Variants in ADAM23 observed in about 807,000 individuals in gnomAD.
ADAM23 encodes the protein disintegrin and metalloproteinase domain-containing protein 23.
In ADAM23, 33 loss-of-function variants were observed where a neutral mutation model predicts 120.1. That is an observed-to-expected ratio of 0.27 (90% CI 0.21 to 0.37). ADAM23 has a LOEUF of 0.37. ADAM23 is among the 10% of genes least tolerant of loss of function. The probability of loss-of-function intolerance (pLI) is 1.00; values close to 1 mark genes in which losing one functional copy is unlikely to be tolerated. For synonymous variants in ADAM23, 367 were observed against 375.2 expected (o/e 0.98, Z 0.25); for missense variants, 862 against 1,058.2 (o/e 0.81, Z 2.57).
intron 3 of ADAM23, among the ~76,000 whole-genome samples, chr2:206,509,868 C>T: frequency 6.6e-6 from 1 of 152,136 alleles, no homozygotes; most frequent in Admixed American, 6.6e-5. Context: ...AGACAAGTAT[C>T]AGTAGTGGCT....
At chr2:206,566,997 G>T (rs1697897850) in intron 14 of ADAM23, among the ~76,000 whole-genome samples, 1 of 152,266 alleles carries the variant, frequency 6.6e-6, no homozygotes, top group East Asian at 1.9e-4. Flanking sequence ...CTGCTGAGGA[G>T]GTTGTAATGT....
chr2:206,507,751 T>C (rs146092152), intron 3 of ADAM23, among the ~76,000 whole-genome samples: 1 of 152,352 alleles, frequency 6.6e-6, no homozygotes, highest in African/African-American at 2.4e-5. Flanking sequence ...TCTAATACTT[T>C]TGTTTGGTCT....
At chr2:206,512,204 T>C (rs1483104002) in intron 3 of ADAM23, among the ~76,000 whole-genome samples, 2 of 152,230 alleles carry the variant, frequency 1.3e-5, no homozygotes. Context: ...GGTTTAAAAA[T>C]TAGAATTACT....
In ADAM23 at chr2:206,543,328, C is replaced by T; in HGVS notation, c.720+12C>T. On this transcript the variant is annotated intron_variant, in intron 6 of 25. Coordinates refer to ENST00000264377, the MANE Select transcript of ADAM23 (RefSeq NM_003812.4). ...TGGTTCATGATGAGGTGAGTCTATG[C>T]CATCAGTTGCCTGATGGCGTTCTAC... 1 of 1,609,560 alleles carries T rather than the reference C, an allele frequency of 6.2e-7. No homozygotes were observed.
chr2:206,620,324 A>G lies in ADAM23; in HGVS notation c.*2697A>G, dbSNP rs905525559. ...GGCAATTTCATAGGTAATCGAACCTATGCTCCAATGTTAAATTATTTGTGT... is the reference window on the plus strand; with the variant it reads ...GGCAATTTCATAGGTAATCGAACCTGTGCTCCAATGTTAAATTATTTGTGT... On this transcript the variant is annotated 3_prime_UTR_variant, in exon 26 of 26. Transcript: ENST00000264377. 6.6e-6 allele frequency: 1 copy of G among 152,174 alleles called. No individual in the cohort carries two copies. Among genetic ancestry groups the G allele is most frequent in the African/African-American group, 2.4e-5 (1 of 41,430 alleles). The allele number at this position is 152,174 out of a possible 1,614,324, so 9.4% of individuals were successfully genotyped here. A position where few individuals can be genotyped will look rare whatever the true frequency, so the allele number is the denominator to read the frequency against.
intron 3 of ADAM23, among the ~76,000 whole-genome samples, chr2:206,482,401 A>G (rs1446290765): frequency 3.3e-5 from 5 of 152,200 alleles, no homozygotes; most frequent in African/African-American, 1.2e-4. Context: ...GTGGCAAGAT[A>G]GAGCTAATTT....
At chr2:206,547,956 C>A (rs997238563) in intron 7 of ADAM23, among the ~76,000 whole-genome samples, 1 of 152,240 alleles carries the variant, frequency 6.6e-6, no homozygotes, top group East Asian at 1.9e-4. Context: ...TATGCAAAAG[C>A]TAATGCCATA....
intron 3 of ADAM23, among the ~76,000 whole-genome samples, chr2:206,515,761 A>AT (rs1553554399): frequency 1.3e-5 from 2 of 151,944 alleles, no homozygotes; most frequent in Non-Finnish European, 2.9e-5. Flanking sequence ...TAGGCTTGCT[A>AT]TTTTTAGAGA....
intron 9 of ADAM23, among the ~76,000 whole-genome samples, chr2:206,556,189 A>T (rs1235471102): frequency 6.6e-6 from 1 of 152,068 alleles, no homozygotes; most frequent in East Asian, 1.9e-4. Context: ...ATACTATAAT[A>T]ATAGCAGAAT....
chr2:206,604,477 G>T (rs1392473981), intron 24 of ADAM23, among the ~76,000 whole-genome samples: 1 of 151,864 alleles, frequency 6.6e-6, no homozygotes, highest in Non-Finnish European at 1.5e-5. Flanking sequence ...AAACATTGCT[G>T]CCACCTTCTG....
In ADAM23 at chr2:206,506,583, A is replaced by G. The variant is rs369932670; in HGVS notation, c.510-24302A>G. ...CCTAGGTTCCCACTGTTTGGTTTTTACTCTTTCAAGCATTTCGTCAGTTAT... is the reference window on the plus strand; with the variant it reads ...CCTAGGTTCCCACTGTTTGGTTTTTGCTCTTTCAAGCATTTCGTCAGTTAT... On this transcript the variant is annotated intron_variant, in intron 3 of 25. Coordinates refer to ENST00000264377, the MANE Select transcript of ADAM23 (RefSeq NM_003812.4). 9.2e-5 allele frequency among the ~76,000 whole-genome samples: 14 copies of G among 152,014 alleles called. 2 individuals are homozygous for G. Among genetic ancestry groups the G allele is most frequent in the African/African-American group, 2.9e-4 (12 of 41,472 alleles).
At chr2:206,493,088 T>C (rs1003008273) in intron 3 of ADAM23, among the ~76,000 whole-genome samples, 13 of 152,330 alleles carry the variant, frequency 8.5e-5, no homozygotes, top group African/African-American at 2.9e-4. Context: ...ATTAAGACTC[T>C]TGATGGTCAT....
chr2:206,558,671 C>G (rs1455906323), intron 10 of ADAM23, among the ~76,000 whole-genome samples: 1 of 152,168 alleles, frequency 6.6e-6, no homozygotes, highest in Non-Finnish European at 1.5e-5. Flanking sequence ...CACATCTTTT[C>G]CTCTGCAAAA....
intron 4 of ADAM23, among the ~76,000 whole-genome samples, chr2:206,540,001 T>C (rs1193076924): frequency 6.6e-6 from 1 of 151,958 alleles, no homozygotes; most frequent in African/African-American, 2.4e-5. Flanking sequence ...TTGCCTGAAG[T>C]CTCATTTAAG....
intron 24 of ADAM23, among the ~76,000 whole-genome samples, chr2:206,600,703 A>T (rs776209183): frequency 3.9e-4 from 60 of 152,266 alleles, no homozygotes; most frequent in South Asian, 4.1e-4. Context: ...CATACCTGAA[A>T]GCATTGCCAC....
Position 206,620,394 on chromosome 2 carries a change from A to C in ADAM23, c.*2767A>C, listed in dbSNP as rs1699032145. The C allele has an allele frequency of 6.6e-6, 1 of 152,206 alleles. No individual in the cohort carries two copies. Among genetic ancestry groups the C allele is most frequent in the South Asian group, 2.1e-4 (1 of 4,832 alleles). 9.4% of individuals were successfully genotyped at this position (152,206 alleles called of 1,614,324 possible). On this transcript the variant is annotated 3_prime_UTR_variant, in exon 26 of 26. Transcript: ENST00000264377. ...TTTAAGCTATGTGTGTATGAATATGAAAGTTAATGCAACCATATCAATTGT... is the reference window on the plus strand; with the variant it reads ...TTTAAGCTATGTGTGTATGAATATGCAAGTTAATGCAACCATATCAATTGT...
intron 24 of ADAM23, among the ~76,000 whole-genome samples, chr2:206,599,435 C>A (rs1206315885): frequency 2.0e-5 from 3 of 151,956 alleles, no homozygotes; most frequent in African/African-American, 7.3e-5. Flanking sequence ...AAAATTCAAG[C>A]AATTTTAGTA....
chr2:206,503,253 A>G (rs911790947), intron 3 of ADAM23, among the ~76,000 whole-genome samples: 4 of 152,142 alleles, frequency 2.6e-5, no homozygotes, highest in African/African-American at 9.6e-5. Flanking sequence ...GGGATGAACT[A>G]AATGACTTTT....
chr2:206,617,925 C>A lies in ADAM23; in HGVS notation c.*298C>A, dbSNP rs1460670711. ...AATGGACGAAGGAACAACACACACA[C>A]AAAAATTAAATGCAATAAAGGAATC... On this transcript the variant is annotated 3_prime_UTR_variant, in exon 26 of 26. Transcript: ENST00000264377. 6.4e-6 allele frequency: 2 copies of A among 313,594 alleles called. No homozygotes were observed. The highest frequency in any genetic ancestry group is 1.1e-5 in the Non-Finnish European group (2 of 177,316). The allele number at this position is 313,594 out of a possible 1,614,324, so 19.4% of individuals were successfully genotyped here.
Sources: allele counts gnomAD v4.1 joint callset (sites outside exome capture counted in the v4.1 genomes callset), GRCh38; gene constraint gnomAD v4.1.1; transcripts MANE v1.5; gene names NCBI Gene and HGNC (gene_info 2026-07-23, HGNC 2026-07-21).